Variants in HLA-DPB1 observed in about 807,000 individuals in gnomAD.
HLA-DPB1 encodes HLA class II histocompatibility antigen, DP beta 1 chain.
Under a neutral mutation model 29.4 loss-of-function variants are expected in HLA-DPB1, and 30 were observed. The ratio of observed to expected loss-of-function variants is 1.02; its 90% CI spans 0.76 to 1.38. HLA-DPB1 has a LOEUF of 1.38. Among genes scored for constraint, HLA-DPB1 ranks in the 40% most tolerant of loss-of-function variants. The probability of loss-of-function intolerance (pLI) is 0.00; values close to 1 mark genes in which losing one functional copy is unlikely to be tolerated. For synonymous variants in HLA-DPB1, 114 were observed against 134.0 expected (o/e 0.85, Z 1.03); for missense variants, 261 against 327.5 (o/e 0.80, Z 1.57).
chr6:33,088,832 CCT>C lies in HLA-DPB1; in HGVS notation c.*2301_*2302del, dbSNP rs1342130377. ...AGGAGATGTGAAGTGGGTGACTCAACCTCTGACTCAGAAAAATTGATACCTGC... is the reference window on the plus strand; with the variant it reads ...AGGAGATGTGAAGTGGGTGACTCAACCTGACTCAGAAAAATTGATACCTGC... On this transcript the variant is annotated 3_prime_UTR_variant, in exon 6 of 6. Transcript: ENST00000418931. Among the ~76,000 whole-genome samples, 4 of 152,138 alleles carry C rather than the reference CCT, an allele frequency of 2.6e-5. No homozygotes were observed. The highest frequency in any genetic ancestry group is 9.6e-5 in the African/African-American group (4 of 41,474).
Position 33,085,894 on chromosome 6 carries a change from G to A in HLA-DPB1, c.757+5G>A, listed in dbSNP as rs752575524. 8 of 1,592,704 alleles carry A rather than the reference G, an allele frequency of 5.0e-6. No individual in the cohort carries two copies. In the African/African-American group the frequency reaches 1.1e-4, roughly 21 times the overall value. ...TGCACAGGAGGAGCAAGAAAGGTGA[G>A]AAAGCCTGCAGGGTGAGCGGGACTT... is the stretch of plus-strand genomic sequence containing the variant. On this transcript the variant is annotated splice_donor_5th_base_variant and intron_variant, in intron 4 of 5. Coordinates refer to ENST00000418931, the MANE Select transcript of HLA-DPB1 (RefSeq NM_002121.6).
In HLA-DPB1 at chr6:33,080,525, A is replaced by G; in HGVS notation, c.101-147A>G. The G allele has an allele frequency of 8.4e-7, 1 of 1,185,804 alleles. No homozygotes were observed. 73.5% of individuals were successfully genotyped at this position (1,185,804 alleles called of 1,614,324 possible). A position where few individuals can be genotyped will look rare whatever the true frequency, so the allele number is the denominator to read the frequency against. ...GAGGCTCTGCGACCCGCTTAGGACC[A>G]CAGAACTCGGTACTAGGAAAACTCC... On this transcript the variant is annotated intron_variant, in intron 1 of 5. Coordinates refer to ENST00000418931, the MANE Select transcript of HLA-DPB1 (RefSeq NM_002121.6). This position sits in a 1 kb window ranked among gnomAD's most constrained non-coding sequence, Gnocchi z 4.3.
Position 33,085,840 on chromosome 6 carries a change from G to A in HLA-DPB1, c.708G>A (p.Gly236=). 1.1e-5 allele frequency: 17 copies of A among 1,614,032 alleles called. No homozygotes were observed. Among genetic ancestry groups the A allele is most frequent in the Non-Finnish European group, 1.4e-5 (17 of 1,179,966 alleles). The change falls in exon 4 of 6, where the codon GGG becomes GGA. Residue 236 remains glycine (G), a synonymous_variant. Transcript: ENST00000418931. ...CGGGAGCTGGGGGCTTCGTGCTGGG[G>A]CTCATCATCTGTGGAGTGGGCATCT... The part of the protein sequence containing the change: ...TLTGAGGFVL[G]LIICGVGIFM...
chr6:33,079,615 G>A, intron 1 of HLA-DPB1: 1 of 457,612 alleles, frequency 2.2e-6, no homozygotes. Context: ...AGATCTTGAT[G>A]CCCAACATTG....
In HLA-DPB1 at chr6:33,084,446, T is replaced by C. The variant is rs573029696; in HGVS notation, c.365-504T>C. Among the ~76,000 whole-genome samples the C allele has an allele frequency of 1.1e-4, 17 of 152,330 alleles. No individual in the cohort carries two copies. In the Middle Eastern group the frequency reaches 0.01, roughly 91 times the overall value. On this transcript the variant is annotated intron_variant, in intron 2 of 5. Transcript: ENST00000418931. ...CCCACTAGCCTAATCACATTATTCC[T>C]ATTTTCAACATCTAGGAATCAATTA...
At chr6:33,081,967 G>GT (rs1412323591) in intron 2 of HLA-DPB1, 11 of 152,126 alleles carry the variant, frequency 7.2e-5, no homozygotes, top group Admixed American at 7.2e-4. Context: ...TGAGGGAGTA[G>GT]TATCAGGATG....
chr6:33,086,619 G>T lies in HLA-DPB1; in HGVS notation c.*85G>T. 1 of 522,072 alleles carries T rather than the reference G, an allele frequency of 1.9e-6. No individual in the cohort carries two copies. The highest frequency in any genetic ancestry group is 3.7e-6 in the Non-Finnish European group (1 of 267,588). The allele number at this position is 522,072 out of a possible 1,614,324, so 32.3% of individuals were successfully genotyped here. ...TTCGTTAGCATCTGGCTCCAGGACA[G>T]ACCTTCAACTTCCAAATTGGATACT... On this transcript the variant is annotated 3_prime_UTR_variant, in exon 6 of 6. Transcript: ENST00000418931.
At position 33,087,212 on chromosome 6, in the gene HLA-DPB1, T is replaced by C. The variant is rs967452950; in HGVS notation, c.*678T>C. 1 of 153,168 alleles carries C rather than the reference T, an allele frequency of 6.5e-6. No individual in the cohort carries two copies. Among genetic ancestry groups the C allele is most frequent in the African/African-American group, 2.4e-5 (1 of 41,460 alleles). The allele number at this position is 153,168 out of a possible 1,614,324, so 9.5% of individuals were successfully genotyped here. On this transcript the variant is annotated 3_prime_UTR_variant, in exon 6 of 6. Coordinates refer to ENST00000418931, the MANE Select transcript of HLA-DPB1 (RefSeq NM_002121.6). Reference sequence around the variant, plus strand: ...TCTAATACACTTTAACCATTTTCTTTGTGTGCCATCACAAATACTCCTTAA... The same window carrying C: ...TCTAATACACTTTAACCATTTTCTTCGTGTGCCATCACAAATACTCCTTAA...
chr6:33,080,701 T>C lies in HLA-DPB1; in HGVS notation c.130T>C (p.Cys44Arg), dbSNP rs1424116907. ...TTACCTTTTCCAGGGACGGCAGGAA[T>C]GCTACGCGTTTAATGGGACACAGCG... The part of the protein sequence containing the change: ...ENYLFQGRQE[C>R]YAFNGTQRFL... Residue 44 changes from cysteine to arginine, a missense_variant, in exon 2 of 6, where the codon TGC becomes CGC. Transcript: ENST00000418931. The surrounding 1 kb of genome is among the most constrained non-coding windows in gnomAD (Gnocchi z 4.3). The C allele has an allele frequency of 5.0e-6, 8 of 1,613,002 alleles. No individual in the cohort carries two copies. The highest frequency in any genetic ancestry group is 6.8e-6 in the Non-Finnish European group (8 of 1,179,764).
chr6:33,082,784 C>T (rs190755035), intron 2 of HLA-DPB1, among the ~76,000 whole-genome samples: 35 of 152,302 alleles, frequency 2.3e-4, no homozygotes, highest in Admixed American at 7.2e-4. Context: ...CAAATGTTTT[C>T]TGGGCATTAG....
chr6:33,079,723 G>A (rs1762735983), intron 1 of HLA-DPB1: 1 of 511,688 alleles, frequency 2.0e-6, no homozygotes. Flanking sequence ...TGCTGCTGAT[G>A]TGCAACAAAT....
At chr6:33,086,112 C>A in intron 4 of HLA-DPB1, 107 bp from the exon 5 acceptor site, 2 of 1,039,952 alleles carry the variant, frequency 1.9e-6, no homozygotes, top group Non-Finnish European at 3.0e-6. Flanking sequence ...TCCTGCGGAG[C>A]GTCCATTGAG....
At chr6:33,079,435 T>A (rs146054813) in intron 1 of HLA-DPB1, 1 of 233,222 alleles carries the variant, frequency 4.3e-6, no homozygotes, top group East Asian at 1.2e-4. Context: ...CTGGCAGCCA[T>A]CTCTTCCTCC....
At chr6:33,078,169 T>G (rs564276921) in intron 1 of HLA-DPB1, among the ~76,000 whole-genome samples, 1 of 151,978 alleles carries the variant, frequency 6.6e-6, no homozygotes, top group Non-Finnish European at 1.5e-5. Flanking sequence ...CATGTGATGC[T>G]GGGCAGTGAA....
chr6:33,086,280 G>A (rs9277494), intron 5 of HLA-DPB1, 38 bp downstream of exon 5: 373,299 of 1,404,878 alleles, frequency 0.27, 59,169 homozygotes, highest in East Asian at 0.59. Flanking sequence ...GGGGTGGGTT[G>A]CAGGAGGATA....
chr6:33,086,635 ATT>A lies in HLA-DPB1; in HGVS notation c.*102_*103del. The A allele has an allele frequency of 4.0e-6, 2 of 505,070 alleles. No homozygotes were observed. Among genetic ancestry groups the A allele is most frequent in the Non-Finnish European group, 7.8e-6 (2 of 256,656 alleles). The allele number at this position is 505,070 out of a possible 1,614,324, so 31.3% of individuals were successfully genotyped here. A position where few individuals can be genotyped will look rare whatever the true frequency, so the allele number is the denominator to read the frequency against. On this transcript the variant is annotated 3_prime_UTR_variant, in exon 6 of 6. Transcript: ENST00000418931. ...TCCAGGACAGACCTTCAACTTCCAA[ATT>A]GGATACTGCTGCCAAGAAGTTGCTC...
chr6:33,085,886 A>G lies in HLA-DPB1; in HGVS notation c.754A>G (p.Lys252Glu). Reference protein sequence around the residue: ...VGIFMHRRSKKVQRGSA With the variant: ...VGIFMHRRSKEVQRGSA ...CATCTTCATGCACAGGAGGAGCAAG[A>G]AAGGTGAGAAAGCCTGCAGGGTGAG... The change falls in exon 4 of 6, where the codon AAA (lysine) becomes GAA (glutamate). Residue 252 changes from lysine (K) to glutamate (E), a missense_variant. By Grantham distance (56) the Lys-to-Glu change is moderately conservative (BLOSUM62 1). Coordinates refer to ENST00000418931, the MANE Select transcript of HLA-DPB1 (RefSeq NM_002121.6). 6.2e-7 allele frequency: 1 copy of G among 1,602,752 alleles called. No homozygotes were observed. Among genetic ancestry groups the G allele is most frequent in the Non-Finnish European group, 8.5e-7 (1 of 1,170,582 alleles).
At chr6:33,081,408 G>A (rs2567287) in intron 2 of HLA-DPB1, among the ~76,000 whole-genome samples, 3,683 of 152,112 alleles carry the variant, frequency 0.024, 92 homozygotes, top group African/African-American at 0.067. Flanking sequence ...CCAGGGAGAG[G>A]GGACCCAGGG....
chr6:33,085,826 G>C lies in HLA-DPB1; in HGVS notation c.694G>C (p.Gly232Arg). Residue 232 changes from glycine (G) to arginine (R), a missense_variant, in exon 4 of 6, where the codon GGC (glycine) becomes CGC (arginine). Gly to Arg is a moderately radical substitution (Grantham distance 125, BLOSUM62 -2). Coordinates refer to ENST00000418931, the MANE Select transcript of HLA-DPB1 (RefSeq NM_002121.6). ...ARSKTLTGAG[G>R]FVLGLIICGV... ...GAGTAAGACATTGACGGGAGCTGGG[G>C]GCTTCGTGCTGGGGCTCATCATCTG... 6.2e-7 allele frequency: 1 copy of C among 1,614,114 alleles called. No individual in the cohort carries two copies. The highest frequency in any genetic ancestry group is 1.1e-5 in the South Asian group (1 of 91,074).
Sources: gnomAD v4.1 joint callset for allele counts (sites outside exome capture counted in the v4.1 genomes callset) on GRCh38, gnomAD v4.1.1 for gene constraint, Gnocchi (gnomAD v3.1) non-coding constraint, MANE v1.5 for transcripts, NCBI Gene and HGNC (gene_info 2026-07-23, HGNC 2026-07-21) for gene names.